MAGI3: variants seen among roughly 807,000 people sequenced by gnomAD.
MAGI3 encodes membrane associated guanylate kinase, WW and PDZ domain containing 3.
Under a neutral mutation model 121.8 loss-of-function variants are expected in MAGI3, and 43 were observed. The observed-to-expected ratio is 0.35, with a 90% CI of 0.28 to 0.46. The LOEUF (loss-of-function observed/expected upper bound fraction) is 0.46. Among genes scored for constraint, MAGI3 ranks in the 20% least tolerant of loss-of-function variants. The pLI, the probability that MAGI3 is intolerant of heterozygous loss-of-function variation, is 1.00. For synonymous variants in MAGI3, 553 were observed against 639.3 expected (o/e 0.86, Z 2.04); for missense variants, 1,547 against 1,797.3 (o/e 0.86, Z 2.52).
intron 1 of MAGI3, among the ~76,000 whole-genome samples, chr1:113,516,390 C>CAAAAAAAAAAAAAAAAAAAAAAAAAA (rs60186333): frequency 1.4e-5 from 1 of 70,996 alleles, no homozygotes. Context: ...GAAGTTCTCA[C>CAAAAAAAAAAAAAAAAAAAAAAAAAA]AAAAAAAAAA....
At position 113,581,792 on chromosome 1, in the gene MAGI3, C is replaced by T. The variant is rs374530952; in HGVS notation, c.553+1131C>T. Among the ~76,000 whole-genome samples, 3 of 152,228 alleles carry T rather than the reference C, an allele frequency of 2.0e-5. No individual in the cohort carries two copies. The East Asian group carries it at 5.8e-4, about 29-fold the overall frequency. On this transcript the variant is annotated intron_variant, in intron 3 of 20. Transcript: ENST00000307546. ...TAACTACCTTTTCTGGGCTTAGCGC[C>T]CATGACTCATTCATTTGTTCATTCG...
intron 1 of MAGI3, among the ~76,000 whole-genome samples, chr1:113,442,897 A>G (rs1389297477): frequency 6.6e-6 from 1 of 152,122 alleles, no homozygotes; most frequent in African/African-American, 2.4e-5. Flanking sequence ...ATATATGTTA[A>G]AGTATAAGAT....
At chr1:113,559,918 A>G (rs1660152967) in intron 2 of MAGI3, among the ~76,000 whole-genome samples, 1 of 152,158 alleles carries the variant, frequency 6.6e-6, no homozygotes, top group Admixed American at 6.6e-5. Flanking sequence ...ACTCCCACAC[A>G]ATAATCGTAG....
At chr1:113,539,117 G>A (rs1049035673) in intron 1 of MAGI3, among the ~76,000 whole-genome samples, 7 of 152,018 alleles carry the variant, frequency 4.6e-5, no homozygotes, top group African/African-American at 1.2e-4. Context: ...ATTTAAGGCC[G>A]GATGTGGTGG....
chr1:113,659,389 A>G, intron 16 of MAGI3, 124 bp downstream of exon 16: 1 of 794,888 alleles, frequency 1.3e-6, no homozygotes, highest in Non-Finnish European at 1.9e-6. Context: ...TGCACGCTGG[A>G]GTCTTATTCT....
chr1:113,526,680 A>C (rs1025829224), intron 1 of MAGI3, among the ~76,000 whole-genome samples: 1 of 152,194 alleles, frequency 6.6e-6, no homozygotes, highest in African/African-American at 2.4e-5. Flanking sequence ...CTTTAGGAAA[A>C]TTGGAAAACA....
At chr1:113,556,551 GATT>G (rs1660000718) in intron 2 of MAGI3, among the ~76,000 whole-genome samples, 1 of 132,568 alleles carries the variant, frequency 7.5e-6, no homozygotes. Context: ...GTATGATAAA[GATT>G]TTTTTTTTTT....
At chr1:113,604,194 A>G (rs925923856) in intron 6 of MAGI3, among the ~76,000 whole-genome samples, 37 of 152,220 alleles carry the variant, frequency 2.4e-4, no homozygotes, top group Non-Finnish European at 3.5e-4. Flanking sequence ...TATGTCTATC[A>G]TAGCATAATT....
At chr1:113,575,758 A>G (rs1647588815) in intron 2 of MAGI3, among the ~76,000 whole-genome samples, 1 of 152,232 alleles carries the variant, frequency 6.6e-6, no homozygotes, top group Admixed American at 6.5e-5. Context: ...GTCGGCAGGC[A>G]GGAACATTTA....
chr1:113,543,940 TA>T (rs1365742714), intron 1 of MAGI3, among the ~76,000 whole-genome samples: 1 of 151,912 alleles, frequency 6.6e-6, no homozygotes, highest in Admixed American at 6.6e-5. Context: ...CTATAAAAAC[TA>T]AACTAAATCA....
chr1:113,638,102 T>C (rs1446138114), intron 9 of MAGI3, among the ~76,000 whole-genome samples: 2 of 152,212 alleles, frequency 1.3e-5, no homozygotes, highest in African/African-American at 2.4e-5. Context: ...AGCACTTCTC[T>C]GTATTGGTTA....
chr1:113,451,128 T>A (rs1042015152), intron 1 of MAGI3, among the ~76,000 whole-genome samples: 1 of 152,160 alleles, frequency 6.6e-6, no homozygotes, highest in East Asian at 1.9e-4. Context: ...AAAAGAAAAA[T>A]TTTTCAGTAT....
chr1:113,550,700 G>A (rs571825319), intron 2 of MAGI3, among the ~76,000 whole-genome samples: 1 of 149,830 alleles, frequency 6.7e-6, no homozygotes, highest in African/African-American at 2.5e-5. Flanking sequence ...AGATTGCAGT[G>A]AGCCGAGATC....
Position 113,683,797 on chromosome 1 carries a change from G to C in MAGI3, c.4229G>C (p.Arg1410Thr), listed in dbSNP as rs1245237707. ...GAAAATGTCCAGCTATCAGAAAAGA[G>C]GCTGAAGCAAGAACCTGAAGAGAAG... is the stretch of plus-strand genomic sequence containing the variant. ...IGENVQLSEK[R>T]LKQEPEEKVV... Residue 1410 changes from arginine (R) to threonine (T), a missense_variant, in exon 21 of 21, where the codon AGG becomes ACG. Physicochemically the swap from Arg to Thr is moderately conservative, Grantham distance 71. Transcript: ENST00000307546. 1.2e-6 allele frequency: 2 copies of C among 1,608,810 alleles called. No individual in the cohort carries two copies. Among genetic ancestry groups the C allele is most frequent in the Non-Finnish European group, 1.7e-6 (2 of 1,177,340 alleles).
chr1:113,414,805 T>G (rs1255923131), intron 1 of MAGI3, among the ~76,000 whole-genome samples: 2 of 152,012 alleles, frequency 1.3e-5, no homozygotes, highest in East Asian at 3.8e-4. Context: ...TACTTAGTAT[T>G]AATAATAAAA....
intron 9 of MAGI3, among the ~76,000 whole-genome samples, chr1:113,639,905 A>G (rs535223511): frequency 1.3e-5 from 2 of 152,084 alleles, no homozygotes; most frequent in Non-Finnish European, 2.9e-5. Flanking sequence ...GGGTTTCGCC[A>G]TGTTAGCCAG....
intron 1 of MAGI3, among the ~76,000 whole-genome samples, chr1:113,518,654 C>G (rs1168063854): frequency 6.6e-6 from 1 of 152,040 alleles, no homozygotes; most frequent in African/African-American, 2.4e-5. Flanking sequence ...TGCGCCTATT[C>G]TTTCTATAGC....
At chr1:113,456,831 TAA>T (rs1473978847) in intron 1 of MAGI3, among the ~76,000 whole-genome samples, 2 of 149,060 alleles carry the variant, frequency 1.3e-5, no homozygotes, top group African/African-American at 4.9e-5. Context: ...TAGGATAAAA[TAA>T]AGAGGCTTGC....
chr1:113,605,756 C>T (rs377505538), intron 6 of MAGI3, among the ~76,000 whole-genome samples: 7 of 151,950 alleles, frequency 4.6e-5, no homozygotes, highest in East Asian at 1.9e-4. Context: ...CATGCCACCA[C>T]GCCCAGCTAA....
Sources: gnomAD v4.1 joint callset for allele counts (sites outside exome capture counted in the v4.1 genomes callset) on GRCh38, gnomAD v4.1.1 for gene constraint, MANE v1.5 for transcripts, NCBI Gene and HGNC (gene_info 2026-07-23, HGNC 2026-07-21) for gene names.